The following ESYT1 variants were observed in gnomAD, a reference collection of about 807,000 sequenced individuals.
The protein encoded by ESYT1 is extended synaptotagmin-1.
Under a neutral mutation model 154.2 loss-of-function variants are expected in ESYT1, and 116 were observed. The ratio of observed to expected loss-of-function variants is 0.75; its 90% confidence interval spans 0.65 to 0.88. The LOEUF is 0.88. Among genes scored for constraint, ESYT1 ranks in the 40% least tolerant of loss-of-function variants. The pLI is 0.00. For synonymous variants in ESYT1, 500 were observed against 539.9 expected (o/e 0.93, Z 1.02); for missense variants, 1,264 against 1,379.3 (o/e 0.92, Z 1.32).
In ESYT1 at chr12:56,144,107, T is replaced by G; in HGVS notation, c.*245T>G. 1 of 1,414,994 alleles carries G rather than the reference T, an allele frequency of 7.1e-7. No individual in the cohort carries two copies. Among genetic ancestry groups the G allele is most frequent in the Middle Eastern group, 2.6e-4 (1 of 3,834 alleles). The allele number at this position is 1,414,994 out of a possible 1,614,324, so 87.7% of individuals were successfully genotyped here. A position where few individuals can be genotyped will look rare whatever the true frequency, so the allele number is the denominator to read the frequency against. ...GGGACCTGAGCTGGCTGTTTCCTGC[T>G]TTGCCTGCACATTGTTCTCCCTTCC... On this transcript the variant is annotated 3_prime_UTR_variant, in exon 31 of 31. Coordinates refer to ENST00000394048, the MANE Select transcript of ESYT1 (RefSeq NM_015292.3).
Position 56,143,246 on chromosome 12 carries a change from C to G in ESYT1, c.3138C>G (p.Pro1046=). ...EFNERFEWEL[P]LDEAQRRKLD... Reference sequence around the variant, plus strand: ...ACCCCAGGTTTGAGTGGGAACTCCCCCTGGATGAGGCCCAGAGACGAAAGC... The same window carrying G: ...ACCCCAGGTTTGAGTGGGAACTCCCGCTGGATGAGGCCCAGAGACGAAAGC... Residue 1046 remains proline (P), a synonymous_variant, in exon 29 of 31, where the codon CCC becomes CCG. Coordinates refer to ENST00000394048, the MANE Select transcript of ESYT1 (RefSeq NM_015292.3). The G allele has an allele frequency of 6.2e-7, 1 of 1,614,128 alleles. No homozygotes were observed.
chr12:56,131,495 G>A lies in ESYT1; in HGVS notation c.733G>A (p.Val245Met), dbSNP rs779500227. Residue 245 changes from valine (V) to methionine (M), a missense_variant, in exon 6 of 31, where the codon GTG (valine) becomes ATG (methionine). By Grantham distance (21) the Val-to-Met change is conservative. Coordinates refer to ENST00000394048, the MANE Select transcript of ESYT1 (RefSeq NM_015292.3). ...KGMQLHGVLR[V>M]ILEPLIGDLP... ...GCCTCAGCTACATGGCGTTTTGCGG[G>A]TGATACTGGAGCCACTCATTGGGGA... 1 of 1,614,182 alleles carries A rather than the reference G, an allele frequency of 6.2e-7. No individual in the cohort carries two copies. The highest frequency in any genetic ancestry group is 8.5e-7 in the Non-Finnish European group (1 of 1,180,042).
At chr12:56,136,957 G>A in intron 16 of ESYT1, 64 bp downstream of exon 16, 1 of 1,515,444 alleles carries the variant, frequency 6.6e-7, no homozygotes, top group Non-Finnish European at 8.9e-7. Flanking sequence ...GGTATTAAGA[G>A]TAAGGAAAGG....
chr12:56,138,677 G>C, intron 22 of ESYT1, 91 bp from the exon 23 acceptor site: 1 of 1,372,510 alleles, frequency 7.3e-7, no homozygotes, highest in Non-Finnish European at 1.0e-6. Flanking sequence ...AGTAATAATG[G>C]AGACATGGCT....
rs571816117 is a variant in ESYT1, at chr12:56,131,028, C to T, written c.568-12C>T. ...TATCCCTGCCCTCTCTCAGGAATTT[C>T]TCTCTCCCTAGCCATTGCGCATCAT... On this transcript the variant is annotated splice_polypyrimidine_tract_variant and intron_variant, in intron 3 of 30. Coordinates refer to ENST00000394048, the MANE Select transcript of ESYT1 (RefSeq NM_015292.3). The T allele has an allele frequency of 6.2e-7, 1 of 1,614,170 alleles. No individual in the cohort carries two copies. Among genetic ancestry groups the T allele is most frequent in the Admixed American group, 1.7e-5 (1 of 60,022 alleles).
chr12:56,128,934 A>G, intron 1 of ESYT1: 1 of 579,290 alleles, frequency 1.7e-6, no homozygotes, highest in South Asian at 2.0e-5. Context: ...GGATCCTTCC[A>G]CAGAATCAGG....
At chr12:56,136,129 A>G (rs1351044291) in intron 15 of ESYT1, among the ~76,000 whole-genome samples, 1 of 151,984 alleles carries the variant, frequency 6.6e-6, no homozygotes, top group Non-Finnish European at 1.5e-5. Context: ...TGGGAGTAAA[A>G]TATCCATAGT....
chr12:56,128,838 T>TC lies in ESYT1; in HGVS notation c.390+133dup, dbSNP rs1870112590. ...AGTGGGCCCCAGACTTTCCCCTCTC[T>TC]CCCCGCTAGCCGCCTGCCTGCTGGA... On this transcript the variant is annotated intron_variant, in intron 1 of 30. Coordinates refer to ENST00000394048, the MANE Select transcript of ESYT1 (RefSeq NM_015292.3). 2.6e-6 allele frequency: 3 copies of TC among 1,167,588 alleles called. No homozygotes were observed. The African/African-American group carries it at 4.6e-5, about 18-fold the overall frequency. The allele number at this position is 1,167,588 out of a possible 1,614,324, so 72.3% of individuals were successfully genotyped here.
At position 56,132,743 on chromosome 12, in the gene ESYT1, C is replaced by T. The variant is rs749144167; in HGVS notation, c.1186C>T (p.Gln396Ter). ...YEVMVHEVPG[Q>*]EIEVEVFDKD... ...GGTGATGGTACACGAGGTCCCAGGG[C>T]AGGAGATTGAAGTGGAGGTGTTCGA... Residue 396 changes from glutamine to a stop codon, truncating the protein, a stop_gained, in exon 10 of 31, where the codon CAG (glutamine) becomes TAG (stop). Coordinates refer to ENST00000394048, the MANE Select transcript of ESYT1 (RefSeq NM_015292.3). LOFTEE classifies it high-confidence loss of function. The T allele has an allele frequency of 6.2e-7, 1 of 1,614,156 alleles. No homozygotes were observed. Among genetic ancestry groups the T allele is most frequent in the Non-Finnish European group, 8.5e-7 (1 of 1,180,028 alleles).
Position 56,144,554 on chromosome 12 carries a change from A to AT in ESYT1, c.*699dup, listed in dbSNP as rs954363844. The AT allele has an allele frequency of 1.2e-5, 12 of 985,288 alleles. No homozygotes were observed. Among genetic ancestry groups the AT allele is most frequent in the Non-Finnish European group, 1.4e-5 (12 of 830,004 alleles). The allele number at this position is 985,288 out of a possible 1,614,324, so 61.0% of individuals were successfully genotyped here. On this transcript the variant is annotated 3_prime_UTR_variant, in exon 31 of 31. Transcript: ENST00000394048. The stretch of plus-strand genomic sequence containing the variant: ...TGGAGGACTTGGGACAGCAGGGCCA[A>AT]TTTTTTTGCCCAAGTGCCTAGGCTG...
chr12:56,129,865 T>C (rs1870159573), intron 1 of ESYT1, among the ~76,000 whole-genome samples: 1 of 152,078 alleles, frequency 6.6e-6, no homozygotes, highest in Non-Finnish European at 1.5e-5. Context: ...CCTCTTCACC[T>C]TCCTGCTCTA....
At position 56,143,408 on chromosome 12, in the gene ESYT1, A is replaced by G. The variant is rs978860492; in HGVS notation, c.3225+75A>G. The G allele has an allele frequency of 4.6e-6, 7 of 1,530,368 alleles. No homozygotes were observed. The Admixed American group carries it at 5.1e-5, about 11-fold the overall frequency. The allele number at this position is 1,530,368 out of a possible 1,614,324, so 94.8% of individuals were successfully genotyped here. On this transcript the variant is annotated intron_variant, in intron 29 of 30. Transcript: ENST00000394048. Reference sequence around the variant, plus strand: ...ACCAAGGTTATAGTCCCTGTGAGGAAGGAAGTACCCCACGTGATCCTTTAG... The same window carrying G: ...ACCAAGGTTATAGTCCCTGTGAGGAGGGAAGTACCCCACGTGATCCTTTAG...
In ESYT1 at chr12:56,144,554, AT is replaced by A. The variant is rs954363844; in HGVS notation, c.*699del. The A allele has an allele frequency of 2.0e-6, 2 of 985,288 alleles. No individual in the cohort carries two copies. Among genetic ancestry groups the A allele is most frequent in the African/African-American group, 1.7e-5 (1 of 57,190 alleles). 61.0% of individuals were successfully genotyped at this position (985,288 alleles called of 1,614,324 possible). A position where few individuals can be genotyped will look rare whatever the true frequency, so the allele number is the denominator to read the frequency against. On this transcript the variant is annotated 3_prime_UTR_variant, in exon 31 of 31. Transcript: ENST00000394048. ...TGGAGGACTTGGGACAGCAGGGCCA[AT>A]TTTTTTGCCCAAGTGCCTAGGCTGC...
At chr12:56,133,946 T>G (rs1565873858) in intron 13 of ESYT1, 73 bp downstream of exon 13, 1 of 1,554,038 alleles carries the variant, frequency 6.4e-7, no homozygotes. Flanking sequence ...GATGCAAATG[T>G]CCCTGCCTGC....
At chr12:56,135,414 C>T (rs1387290545) in intron 15 of ESYT1, among the ~76,000 whole-genome samples, 6 of 151,188 alleles carry the variant, frequency 4.0e-5, no homozygotes, top group South Asian at 2.1e-4. Context: ...TCAGGTGATC[C>T]GCCCGTCTCA....
At position 56,133,480 on chromosome 12, in the gene ESYT1, G is replaced by A. The variant is rs375605235; in HGVS notation, c.1293+15G>A. The A allele has an allele frequency of 2.5e-4, 397 of 1,614,122 alleles. No individual in the cohort carries two copies. Among genetic ancestry groups the A allele is most frequent in the Non-Finnish European group, 3.1e-4 (362 of 1,180,044 alleles). On this transcript the variant is annotated intron_variant, in intron 11 of 30. Coordinates refer to ENST00000394048, the MANE Select transcript of ESYT1 (RefSeq NM_015292.3). ...TTCTGGATGATGTAAGTTGGGAGAA[G>A]AGGAAGGTGGGGGCTGATCTCACCC...
rs1035101701 is a variant in ESYT1 at position 56,131,323 on chromosome 12, C to T, written c.714+7C>T. The T allele has an allele frequency of 3.7e-6, 6 of 1,613,938 alleles. No homozygotes were observed. The East Asian group carries it at 6.7e-5, about 18-fold the overall frequency. On this transcript the variant is annotated splice_region_variant and intron_variant, in intron 5 of 30. Transcript: ENST00000394048. ...AGGAGTCAAGGGCATGCAGGTAGGC[C>T]AGATGTCAGGGGCCACATAATAGGG...
Position 56,131,759 on chromosome 12 carries a change from T to A in ESYT1, c.815T>A (p.Ile272Asn), listed in dbSNP as rs1439110215. ...GCTCTTTCCCTCCAGACCCTAGACA[T>A]CAACTGGACAGGGATGACCAACCTG... ...MFFIRRPTLDINWTGMTNLLD... is the reference protein window; with the variant it reads ...MFFIRRPTLDNNWTGMTNLLD... Residue 272 changes from isoleucine (I) to asparagine (N), a missense_variant, in exon 7 of 31, where the codon ATC (isoleucine) becomes AAC (asparagine). Ile to Asn is a moderately radical substitution (Grantham distance 149, BLOSUM62 -3). Transcript: ENST00000394048. The A allele has an allele frequency of 1.9e-6, 3 of 1,614,118 alleles. No individual in the cohort carries two copies. The highest frequency in any genetic ancestry group is 2.5e-6 in the Non-Finnish European group (3 of 1,180,010).
rs1375880401 is a variant in ESYT1, at chr12:56,128,669, C to T, written c.350C>T (p.Ala117Val). 2 of 1,614,110 alleles carry T rather than the reference C, an allele frequency of 1.2e-6. No individual in the cohort carries two copies. Among genetic ancestry groups the T allele is most frequent in the Admixed American group, 1.7e-5 (1 of 60,022 alleles). The change falls in exon 1 of 31, where the codon GCG (alanine) becomes GTG (valine). Residue 117 changes from alanine to valine, a missense_variant. Transcript: ENST00000394048. ...CTGGACGACGAGGAGCAGCTCACTG[C>T]GAAAACTCTCTATATGAGTCATCGA... is the stretch of plus-strand genomic sequence containing the variant. ...QLLDDEEQLTAKTLYMSHREL... is the reference protein window; with the variant it reads ...QLLDDEEQLTVKTLYMSHREL...
Sources: gnomAD v4.1 joint callset for allele counts (sites outside exome capture counted in the v4.1 genomes callset) on GRCh38, gnomAD v4.1.1 for gene constraint, MANE v1.5 for transcripts, NCBI Gene and HGNC (gene_info 2026-07-23, HGNC 2026-07-21) for gene names.